L3MBTL4: variants seen among roughly 807,000 people sequenced by gnomAD.
L3MBTL4 encodes lethal(3)malignant brain tumor-like protein 4.
Under a neutral mutation model 84.5 loss-of-function variants are expected in L3MBTL4, and 70 were observed. The observed-to-expected ratio is 0.83, with a 90% CI of 0.68 to 1.01. L3MBTL4 has a LOEUF of 1.01. Ranked by LOEUF, L3MBTL4 falls within the 50% of genes least tolerant of loss-of-function variation. The pLI is 0.00. For synonymous variants in L3MBTL4, 274 were observed against 259.8 expected, an observed-to-expected ratio of 1.05 and a Z score of -0.52; for missense variants, 715 against 754.8, an observed-to-expected ratio of 0.95 and a Z score of 0.62.
At chr18:5,986,786 C>G (rs1218511215) in intron 16 of L3MBTL4, among the ~76,000 whole-genome samples, 1 of 152,200 alleles carries the variant, frequency 6.6e-6, no homozygotes, top group Non-Finnish European at 1.5e-5. Context: ...GGGCCCGAGT[C>G]CAACTACACT....
In L3MBTL4 at chr18:6,197,461, G is replaced by T. The variant is rs141884641; in HGVS notation, c.981+15688C>A. Among the ~76,000 whole-genome samples the T allele has an allele frequency of 4.6e-3, 695 of 152,300 alleles. 5 individuals carry two copies. The highest frequency in any genetic ancestry group is 0.016 in the African/African-American group (656 of 41,570). On this transcript the variant is annotated intron_variant, in intron 12 of 18. Coordinates refer to ENST00000317931, the MANE Select transcript of L3MBTL4 (RefSeq NM_001330559.2). ...CATGATTTTGTTCCTCTTTATGGCT[G>T]CATAGTATTCCATGGTGTATATGTA...
chr18:6,274,716 C>T (rs191010408), intron 4 of L3MBTL4, among the ~76,000 whole-genome samples: 134 of 152,076 alleles, frequency 8.8e-4, no homozygotes, highest in Admixed American at 5.2e-3. Flanking sequence ...TTAGGGATCA[C>T]GGTATAGAAT....
intron 12 of L3MBTL4, 112 bp downstream of exon 12, chr18:6,213,037 T>C (rs1293880841): frequency 6.6e-6 from 4 of 605,760 alleles, no homozygotes; most frequent in Admixed American, 3.5e-5. Flanking sequence ...CAGAAAATTA[T>C]TGTGCAGATG....
intron 14 of L3MBTL4, among the ~76,000 whole-genome samples, chr18:6,115,743 T>C (rs961488247): frequency 1.3e-5 from 2 of 152,222 alleles, no homozygotes; most frequent in African/African-American, 4.8e-5. Context: ...ATCCTTCATG[T>C]GCATTAGAAT....
intron 1 of L3MBTL4, among the ~76,000 whole-genome samples, chr18:6,403,320 T>C (rs948102105): frequency 3.3e-5 from 5 of 152,258 alleles, no homozygotes; most frequent in Non-Finnish European, 7.3e-5. Flanking sequence ...TGCAGAACTT[T>C]AGCAAATACT....
rs555879367 is a variant in L3MBTL4, at chr18:6,247,712, C to G, written c.220-3124G>C. On this transcript the variant is annotated intron_variant, in intron 5 of 18. Transcript: ENST00000317931. The stretch of plus-strand genomic sequence containing the variant: ...GTCTCACCATGTTGGCCAGGCTAGT[C>G]TAGAACTCCTGTCCTCTGGTGATCC... Among the ~76,000 whole-genome samples the G allele has an allele frequency of 1.2e-4, 17 of 145,438 alleles. No homozygotes were observed. In the South Asian group the frequency reaches 3.3e-3, roughly 28 times the overall value.
intron 1 of L3MBTL4, among the ~76,000 whole-genome samples, chr18:6,372,362 G>C (rs1482920872): frequency 2.0e-5 from 3 of 152,148 alleles, no homozygotes; most frequent in Admixed American, 6.5e-5. Flanking sequence ...TCAAGAATTA[G>C]ACACCCCTTT....
At chr18:6,176,640 G>C (rs1390046016) in intron 12 of L3MBTL4, among the ~76,000 whole-genome samples, 3 of 151,930 alleles carry the variant, frequency 2.0e-5, no homozygotes, top group East Asian at 1.9e-4. Flanking sequence ...CATGATATTG[G>C]AATATTCAAG....
chr18:6,386,856 G>C lies in L3MBTL4; in HGVS notation c.-91+27945C>G, dbSNP rs571444911. 2.0e-5 allele frequency among the ~76,000 whole-genome samples: 3 copies of C among 152,278 alleles called. No homozygotes were observed. In the South Asian group the frequency reaches 6.2e-4, roughly 32 times the overall value. On this transcript the variant is annotated intron_variant, in intron 1 of 18. Transcript: ENST00000317931. ...AACAGACTTTCATTTTATTATGAAT[G>C]ACATGAGAATGAGACTAAAGGGTTA...
chr18:6,044,155 A>T (rs1190986071), intron 16 of L3MBTL4, among the ~76,000 whole-genome samples: 1 of 152,214 alleles, frequency 6.6e-6, no homozygotes, highest in Non-Finnish European at 1.5e-5. Context: ...TTTTGTTTTT[A>T]GGGGACCTTG....
At position 6,154,846 on chromosome 18, in the gene L3MBTL4, T is replaced by C. The variant is rs17486312; in HGVS notation, c.1097-16550A>G. Among the ~76,000 whole-genome samples, 784 of 152,272 alleles carry C rather than the reference T, an allele frequency of 5.1e-3. 3 individuals carry two copies. The highest frequency in any genetic ancestry group is 0.012 in the Admixed American group (191 of 15,290). ...CTTGGCTGTCTGGCATTATATACAA[T>C]TTGATGAGAGGGATTACATAAAAGA... is the stretch of plus-strand genomic sequence containing the variant. On this transcript the variant is annotated intron_variant, in intron 13 of 18. Transcript: ENST00000317931.
chr18:6,207,790 C>T (rs528599595), intron 12 of L3MBTL4, among the ~76,000 whole-genome samples: 7 of 152,112 alleles, frequency 4.6e-5, no homozygotes, highest in Non-Finnish European at 8.8e-5. Flanking sequence ...GCTCTATCCT[C>T]GTATTTCAAA....
chr18:6,166,797 A>C (rs2145120904), intron 13 of L3MBTL4, among the ~76,000 whole-genome samples: 1 of 152,320 alleles, frequency 6.6e-6, no homozygotes, highest in South Asian at 2.1e-4. Context: ...ACACATTCAA[A>C]AGCTAGCAGA....
At chr18:6,345,432 A>G (rs1240747615) in intron 1 of L3MBTL4, among the ~76,000 whole-genome samples, 1 of 151,816 alleles carries the variant, frequency 6.6e-6, no homozygotes, top group Non-Finnish European at 1.5e-5. Flanking sequence ...AAAAAAAACC[A>G]TAAAGATTCC....
chr18:5,985,959 C>T (rs557703007), intron 16 of L3MBTL4, among the ~76,000 whole-genome samples: 1 of 152,130 alleles, frequency 6.6e-6, no homozygotes, highest in Non-Finnish European at 1.5e-5. Flanking sequence ...GCAGGTATGA[C>T]TCTGGGCAGG....
chr18:6,209,198 G>T (rs2045995247), intron 12 of L3MBTL4, among the ~76,000 whole-genome samples: 1 of 152,126 alleles, frequency 6.6e-6, no homozygotes, highest in South Asian at 2.1e-4. Context: ...CTACCTAAAA[G>T]AGTTGATGTG....
intron 15 of L3MBTL4, among the ~76,000 whole-genome samples, chr18:6,086,582 C>G (rs1041542647): frequency 6.6e-6 from 1 of 152,144 alleles, no homozygotes; most frequent in Non-Finnish European, 1.5e-5. Context: ...CATCCCAGAT[C>G]CTCTCCATGC....
chr18:6,250,178 A>T (rs1373054125), intron 5 of L3MBTL4, among the ~76,000 whole-genome samples: 1 of 152,248 alleles, frequency 6.6e-6, no homozygotes, highest in African/African-American at 2.4e-5. Context: ...TCACTAATAA[A>T]GGAAAAGAAA....
At chr18:6,036,650 A>G (rs1465134099) in intron 16 of L3MBTL4, among the ~76,000 whole-genome samples, 3 of 152,182 alleles carry the variant, frequency 2.0e-5, no homozygotes, top group African/African-American at 4.8e-5. Context: ...CATTTGAATG[A>G]GCCAAACTTT....
Sources: gnomAD v4.1 joint callset for allele counts (sites outside exome capture counted in the v4.1 genomes callset) on GRCh38, gnomAD v4.1.1 for gene constraint, MANE v1.5 for transcripts, NCBI Gene and HGNC (gene_info 2026-07-23, HGNC 2026-07-21) for gene names.